The following DLG2 variants were observed in gnomAD, a reference collection of about 807,000 sequenced individuals.
DLG2 encodes the protein discs large MAGUK scaffold protein 2, also known as disks large homolog 2.
In DLG2, 45 loss-of-function variants were observed where a neutral mutation model predicts 132.5. That is an observed-to-expected ratio of 0.34 (90% confidence interval 0.27 to 0.44). DLG2 has a LOEUF of 0.44. DLG2 is among the 20% of genes least tolerant of loss of function. The probability of loss-of-function intolerance (pLI) is 1.00; values close to 1 mark genes in which losing one functional copy is unlikely to be tolerated. For missense variants in DLG2, 1,045 were observed against 1,196.9 expected, an observed-to-expected ratio of 0.87 and a Z score of 1.87; for synonymous variants, 424 against 419.6, an observed-to-expected ratio of 1.01 and a Z score of -0.13.
At chr11:83,753,877 T>TATATATATG (rs2093519920) in intron 18 of DLG2, among the ~76,000 whole-genome samples, 1 of 54,472 alleles carries the variant, frequency 1.8e-5, no homozygotes, top group African/African-American at 5.8e-5. Flanking sequence ...ATATATATGA[T>TATATATATG]ATATATCATA....
chr11:84,322,044 T>C (rs1301665774), intron 7 of DLG2, among the ~76,000 whole-genome samples: 3 of 152,206 alleles, frequency 2.0e-5, no homozygotes, highest in Admixed American at 6.5e-5. Flanking sequence ...TGGTTGCTAG[T>C]AGGGCAATGA....
chr11:85,055,171 TA>T (rs1214473054), intron 6 of DLG2, among the ~76,000 whole-genome samples: 2 of 152,112 alleles, frequency 1.3e-5, no homozygotes, highest in Non-Finnish European at 2.9e-5. Context: ...CACAATCATA[TA>T]AAAAATTTCT....
At chr11:84,912,562 C>A (rs10792787) in intron 6 of DLG2, among the ~76,000 whole-genome samples, 27 of 152,078 alleles carry the variant, frequency 1.8e-4, no homozygotes, top group African/African-American at 6.5e-4. Flanking sequence ...TCATTACTAA[C>A]CATTTCAATT....
intron 3 of DLG2, among the ~76,000 whole-genome samples, chr11:85,401,134 T>C (rs1044019579): frequency 1.3e-5 from 2 of 151,930 alleles, no homozygotes; most frequent in African/African-American, 2.4e-5. Context: ...AAAAAGCTTA[T>C]CCAACATGAT....
At chr11:84,313,388 A>G (rs1314539452) in intron 7 of DLG2, among the ~76,000 whole-genome samples, 1 of 152,072 alleles carries the variant, frequency 6.6e-6, no homozygotes, top group African/African-American at 2.4e-5. Context: ...TGCTGGGATT[A>G]CAGGCGTGAG....
intron 6 of DLG2, among the ~76,000 whole-genome samples, chr11:84,685,007 C>CAG (rs2099736851): frequency 6.6e-6 from 1 of 152,148 alleles, no homozygotes; most frequent in African/African-American, 2.4e-5. Context: ...CTTTTTGATT[C>CAG]TTACTTAGAC....
chr11:83,631,876 G>A (rs2063623067), intron 19 of DLG2: 1 of 152,108 alleles, frequency 6.6e-6, no homozygotes, highest in Admixed American at 6.6e-5. Context: ...ATACTTTGTA[G>A]CATGTAGACC....
At chr11:84,599,612 C>G (rs1357387858) in intron 6 of DLG2, among the ~76,000 whole-genome samples, 1 of 152,130 alleles carries the variant, frequency 6.6e-6, no homozygotes, top group South Asian at 2.1e-4. Context: ...CACCTACAGG[C>G]TTAAGCCATA....
chr11:84,051,313 A>G (rs566887248), intron 11 of DLG2, among the ~76,000 whole-genome samples: 2 of 152,082 alleles, frequency 1.3e-5, no homozygotes, highest in South Asian at 4.2e-4. Context: ...TGCTAGAAAG[A>G]CACATGCACA....
chr11:83,643,225 A>G (rs2067106181), intron 18 of DLG2, among the ~76,000 whole-genome samples: 1 of 152,232 alleles, frequency 6.6e-6, no homozygotes, highest in Admixed American at 6.5e-5. Context: ...ATTTATCTCA[A>G]AAGTGGAATT....
chr11:85,249,762 A>T (rs925272086), intron 4 of DLG2, among the ~76,000 whole-genome samples: 2 of 152,126 alleles, frequency 1.3e-5, no homozygotes, highest in African/African-American at 4.8e-5. Flanking sequence ...TCAAATCTGG[A>T]GATAGTGGGC....
At chr11:84,015,917 G>C (rs938597237) in intron 11 of DLG2, among the ~76,000 whole-genome samples, 1 of 152,092 alleles carries the variant, frequency 6.6e-6, no homozygotes, top group African/African-American at 2.4e-5. Context: ...GGGATTGCTA[G>C]GTTGAATTCT....
chr11:83,673,186 C>T (rs1179837818), intron 18 of DLG2, among the ~76,000 whole-genome samples: 1 of 152,182 alleles, frequency 6.6e-6, no homozygotes, highest in Non-Finnish European at 1.5e-5. Context: ...AATTTTTAGT[C>T]ATGACAAACA....
At chr11:84,401,103 A>G (rs1183401974) in intron 7 of DLG2, among the ~76,000 whole-genome samples, 1 of 152,120 alleles carries the variant, frequency 6.6e-6, no homozygotes, top group African/African-American at 2.4e-5. Flanking sequence ...GGTTGAGAAA[A>G]CTGAACTCTG....
rs184406373 is a variant in DLG2 at position 85,396,768 on chromosome 11, T to G, written c.41-111403A>C. Among the ~76,000 whole-genome samples the G allele has an allele frequency of 2.8e-4, 43 of 152,186 alleles. 1 individual carries two copies. Among genetic ancestry groups the G allele is most frequent in the African/African-American group, 8.9e-4 (37 of 41,544 alleles). On this transcript the variant is annotated intron_variant, in intron 3 of 27. Coordinates refer to ENST00000376104, the MANE Select transcript of DLG2 (RefSeq NM_001142699.3). ...AAATGAACAAAGCCTCCAAGAAATA[T>G]GGGACTACGTGAAAAGACCAAATAT...
chr11:83,833,625 G>T lies in DLG2; in HGVS notation c.1711C>A (p.Gln571Lys). ...AGAAACATACTCACCGATAGGATCT[G>T]GTCTCCTCTCTGGAGCTCCCCACTT... ...DLSGELQRGD[Q>K]ILSVNGIDLR... The change falls in exon 17 of 28, where the codon CAG becomes AAG. Residue 571 changes from glutamine (Q) to lysine (K), a missense_variant. By Grantham distance (53) the Gln-to-Lys change is moderately conservative. Transcript: ENST00000376104. 6.2e-7 allele frequency: 1 copy of T among 1,613,808 alleles called. No homozygotes were observed. Among genetic ancestry groups the T allele is most frequent in the Non-Finnish European group, 8.5e-7 (1 of 1,179,804 alleles).
chr11:84,606,599 T>C (rs1207903986), intron 6 of DLG2, among the ~76,000 whole-genome samples: 6 of 152,168 alleles, frequency 3.9e-5, no homozygotes, highest in Non-Finnish European at 8.8e-5. Flanking sequence ...ATGGATTAAA[T>C]GGCAATTGTG....
At chr11:85,593,426 G>A (rs929909278) in intron 3 of DLG2, among the ~76,000 whole-genome samples, 1 of 152,136 alleles carries the variant, frequency 6.6e-6, no homozygotes, top group Non-Finnish European at 1.5e-5. Context: ...TAGGTCTAGG[G>A]TGAGAACCAA....
chr11:83,852,294 C>T (rs1194148093), intron 16 of DLG2, among the ~76,000 whole-genome samples: 1 of 152,202 alleles, frequency 6.6e-6, no homozygotes, highest in Non-Finnish European at 1.5e-5. Flanking sequence ...CAAAAGGAGT[C>T]ACTGAGGCTG....
Sources: allele counts gnomAD v4.1 joint callset (sites outside exome capture counted in the v4.1 genomes callset), GRCh38; gene constraint gnomAD v4.1.1; transcripts MANE v1.5; gene names NCBI Gene and HGNC (gene_info 2026-07-23, HGNC 2026-07-21).